The following GABRB2 variants were observed in gnomAD, a reference collection of about 807,000 sequenced individuals.
GABRB2 encodes the protein gamma-aminobutyric acid type A receptor subunit beta2.
GABRB2 carries 16 observed loss-of-function variants against 54.7 expected under a neutral mutation model. The ratio of observed to expected loss-of-function variants is 0.29; its 90% CI spans 0.20 to 0.44. The LOEUF is 0.44. Among genes scored for constraint, GABRB2 ranks in the 20% least tolerant of loss-of-function variants. The probability of loss-of-function intolerance (pLI) is 1.00; values close to 1 mark genes in which losing one functional copy is unlikely to be tolerated. For missense variants in GABRB2, 355 were observed against 644.0 expected, an observed-to-expected ratio of 0.55 and a Z score of 4.86; for synonymous variants, 244 against 233.8, an observed-to-expected ratio of 1.04 and a Z score of -0.40.
chr5:161,488,955 T>C (rs764321808), intron 3 of GABRB2, among the ~76,000 whole-genome samples: 1 of 151,820 alleles, frequency 6.6e-6, no homozygotes, highest in Non-Finnish European at 1.5e-5. Context: ...TAAGTGACTA[T>C]ACTTTGAGTT....
intron 9 of GABRB2, among the ~76,000 whole-genome samples, chr5:161,314,608 G>T (rs966391287): frequency 3.9e-4 from 60 of 152,132 alleles, no homozygotes; most frequent in African/African-American, 1.4e-3. Flanking sequence ...TAATAAAATG[G>T]TAATAAAAAA....
At chr5:161,336,090 G>T (rs1016938485) in intron 6 of GABRB2, among the ~76,000 whole-genome samples, 5 of 152,138 alleles carry the variant, frequency 3.3e-5, no homozygotes, top group African/African-American at 4.8e-5. Flanking sequence ...TCTCCATGCC[G>T]TAAGGGTGAA....
At position 161,341,927 on chromosome 5, in the gene GABRB2, A is replaced by AT. The variant is rs1210005507; in HGVS notation, c.542-5159dup. Reference sequence around the variant, plus strand: ...AAGAGGTGAATTAATGCCACTATTTATTTTTTCTTTTATATATATATATAT... The same window carrying AT: ...AAGAGGTGAATTAATGCCACTATTTATTTTTTTCTTTTATATATATATATAT... On this transcript the variant is annotated intron_variant, in intron 5 of 9. Transcript: ENST00000393959. Among the ~76,000 whole-genome samples, 8 of 98,188 alleles carry AT rather than the reference A, an allele frequency of 8.1e-5. No individual in the cohort carries two copies. In the Admixed American group the frequency reaches 1.0e-3, roughly 12 times the overall value. The allele number at this position is 98,188 out of a possible 152,430, so 64.4% of individuals were successfully genotyped here. A position where few individuals can be genotyped will look rare whatever the true frequency, so the allele number is the denominator to read the frequency against.
intron 9 of GABRB2, among the ~76,000 whole-genome samples, chr5:161,312,648 A>G (rs1389972576): frequency 3.3e-5 from 5 of 152,224 alleles, no homozygotes; most frequent in African/African-American, 4.8e-5. Context: ...ATTAGAGCAC[A>G]TCAGTAAAAC....
intron 3 of GABRB2, among the ~76,000 whole-genome samples, chr5:161,463,052 C>T (rs946397225): frequency 4.6e-5 from 7 of 151,868 alleles, no homozygotes; most frequent in African/African-American, 1.5e-4. Flanking sequence ...TATCACCACC[C>T]GAGAAGGATT....
intron 5 of GABRB2, among the ~76,000 whole-genome samples, chr5:161,369,533 GGAGA>G (rs70990780): frequency 8.2e-5 from 12 of 146,376 alleles, no homozygotes; most frequent in East Asian, 8.1e-4. Flanking sequence ...AGGAGGAGAG[GGAGA>G]GAGAGAGAGA....
chr5:161,330,614 G>A, intron 8 of GABRB2: 2 of 409,130 alleles, frequency 4.9e-6, no homozygotes, highest in Non-Finnish European at 8.9e-6. Flanking sequence ...ATAATTATAG[G>A]TACTATACTC....
intron 5 of GABRB2, among the ~76,000 whole-genome samples, chr5:161,409,103 T>A (rs1756430811): frequency 6.6e-6 from 1 of 152,086 alleles, no homozygotes; most frequent in Non-Finnish European, 1.5e-5. Flanking sequence ...TATTTCTTGC[T>A]TTTTAGACTA....
Position 161,293,835 on chromosome 5 carries a change from A to C in GABRB2, c.*246T>G. The C allele has an allele frequency of 2.0e-6, 1 of 491,160 alleles. No individual in the cohort carries two copies. The highest frequency in any genetic ancestry group is 3.7e-6 in the Non-Finnish European group (1 of 273,200). The allele number at this position is 491,160 out of a possible 1,614,324, so 30.4% of individuals were successfully genotyped here. A position where few individuals can be genotyped will look rare whatever the true frequency, so the allele number is the denominator to read the frequency against. On this transcript the variant is annotated 3_prime_UTR_variant, in exon 10 of 10. Transcript: ENST00000393959. ...ACTAAACAGACAACATGGAGCACTCAGGCTGTCTAGCCACCATGTGTAAAA... is the reference window on the plus strand; with the variant it reads ...ACTAAACAGACAACATGGAGCACTCCGGCTGTCTAGCCACCATGTGTAAAA...
At chr5:161,427,492 T>A (rs889701017) in intron 4 of GABRB2, among the ~76,000 whole-genome samples, 1 of 152,116 alleles carries the variant, frequency 6.6e-6, no homozygotes, top group African/African-American at 2.4e-5. Flanking sequence ...TACCAATGAC[T>A]CATAATGGTC....
At chr5:161,478,181 C>A (rs1445320874) in intron 3 of GABRB2, among the ~76,000 whole-genome samples, 1 of 152,042 alleles carries the variant, frequency 6.6e-6, no homozygotes, top group East Asian at 1.9e-4. Flanking sequence ...GCAGAGAGAT[C>A]GGTTTGTTCA....
chr5:161,396,717 AT>A (rs1756013576), intron 5 of GABRB2, among the ~76,000 whole-genome samples: 2 of 152,180 alleles, frequency 1.3e-5, no homozygotes, highest in Admixed American at 1.3e-4. Flanking sequence ...TTCATAATGT[AT>A]TTATATATCA....
At chr5:161,332,120 T>C (rs2546620) in intron 7 of GABRB2, among the ~76,000 whole-genome samples, 20,464 of 139,986 alleles carry the variant, frequency 0.15, 1,525 homozygotes, top group Non-Finnish European at 0.17. Context: ...GAGCCGAGAT[T>C]GCGCCACTGC....
chr5:161,355,376 A>C (rs1754588511), intron 5 of GABRB2, among the ~76,000 whole-genome samples: 1 of 149,340 alleles, frequency 6.7e-6, no homozygotes, highest in African/African-American at 2.4e-5. Context: ...AACAATATAT[A>C]ATGATGTCAT....
intron 8 of GABRB2, chr5:161,326,916 T>C (rs1253800839): frequency 1.2e-6 from 1 of 806,812 alleles, no homozygotes; most frequent in Non-Finnish European, 1.5e-6. Context: ...ATGCGTGTTC[T>C]TAGTATTTGG....
chr5:161,431,307 A>G (rs1757165401), intron 4 of GABRB2, among the ~76,000 whole-genome samples: 1 of 152,150 alleles, frequency 6.6e-6, no homozygotes, highest in Admixed American at 6.6e-5. Context: ...ATTACAATCT[A>G]TTTTAATACT....
intron 9 of GABRB2, among the ~76,000 whole-genome samples, chr5:161,299,329 G>A (rs947648791): frequency 2.0e-4 from 31 of 152,236 alleles, no homozygotes; most frequent in African/African-American, 7.2e-4. Context: ...TTGACTCAGC[G>A]TTGGGCTCAT....
intron 3 of GABRB2, among the ~76,000 whole-genome samples, chr5:161,463,788 AT>A (rs1245838357): frequency 6.6e-6 from 1 of 150,966 alleles, no homozygotes; most frequent in Non-Finnish European, 1.5e-5. Flanking sequence ...AATATGTTCA[AT>A]TGATTTCTGA....
chr5:161,334,643 T>A lies in GABRB2; in HGVS notation c.832+109A>T, dbSNP rs555692821. On this transcript the variant is annotated intron_variant, in intron 7 of 9. Coordinates refer to ENST00000393959, the MANE Select transcript of GABRB2 (RefSeq NM_001371727.1). ...AGCGAAACTCTTACAGTGTGAGAGGTTCAGTTGCGTCATGCACCACAAATT... is the reference window on the plus strand; with the variant it reads ...AGCGAAACTCTTACAGTGTGAGAGGATCAGTTGCGTCATGCACCACAAATT... The A allele has an allele frequency of 6.8e-5, 74 of 1,082,450 alleles. No homozygotes were observed. The East Asian group carries it at 1.5e-3, about 22-fold the overall frequency. 67.1% of individuals were successfully genotyped at this position (1,082,450 alleles called of 1,614,324 possible).
Sources: allele counts gnomAD v4.1 joint callset (sites outside exome capture counted in the v4.1 genomes callset), GRCh38; gene constraint gnomAD v4.1.1; transcripts MANE v1.5; gene names NCBI Gene and HGNC (gene_info 2026-07-23, HGNC 2026-07-21).